Variants in CELSR1 observed in about 807,000 individuals in gnomAD.
CELSR1 encodes cadherin EGF LAG seven-pass G-type receptor 1, also known as adhesion G protein-coupled receptor C1.
Under a neutral mutation model 249.1 loss-of-function variants are expected in CELSR1, and 110 were observed. The ratio of observed to expected loss-of-function variants is 0.44; its 90% confidence interval spans 0.38 to 0.52. The LOEUF (loss-of-function observed/expected upper bound fraction) is 0.52, where lower values mean the gene tolerates loss of function less well. Among genes scored for constraint, CELSR1 ranks in the 20% least tolerant of loss-of-function variants. The pLI is 0.00. For missense variants in CELSR1, 4,109 were observed against 4,296.4 expected (o/e 0.96, Z 1.22); for synonymous variants, 2,113 against 1,900.0 (o/e 1.11, Z -2.92).
At chr22:46,373,524 G>C (rs2078880951) in intron 24 of CELSR1, among the ~76,000 whole-genome samples, 1 of 151,486 alleles carries the variant, frequency 6.6e-6, no homozygotes, top group South Asian at 2.1e-4. Context: ...TCTGGGAGGG[G>C]CAGCTTCGTG....
chr22:46,473,065 C>T lies in CELSR1; in HGVS notation c.3545-8720G>A, dbSNP rs969872987. ...GCAGAGTAGCGGAGAGACACGGGCACGGAGGCAGGGGGTGGGTGAACCTCC... is the reference window on the plus strand; with the variant it reads ...GCAGAGTAGCGGAGAGACACGGGCATGGAGGCAGGGGGTGGGTGAACCTCC... On this transcript the variant is annotated intron_variant, in intron 1 of 34. Transcript: ENST00000674500. This position sits in a 1 kb window ranked among gnomAD's most constrained non-coding sequence, Gnocchi z 6.6. Among the ~76,000 whole-genome samples the T allele has an allele frequency of 3.3e-5, 5 of 151,954 alleles. No homozygotes were observed. In the South Asian group the frequency reaches 6.2e-4, roughly 19 times the overall value.
chr22:46,438,835 T>C (rs966960306), intron 3 of CELSR1, among the ~76,000 whole-genome samples: 3 of 152,188 alleles, frequency 2.0e-5, no homozygotes, highest in Admixed American at 2.0e-4. Context: ...CTCAGCTCAC[T>C]GCAACCTCCA....
At position 46,510,559 on chromosome 22, in the gene CELSR1, C is replaced by T. The variant is rs367630456; in HGVS notation, c.3544+23068G>A. Among the ~76,000 whole-genome samples the T allele has an allele frequency of 3.0e-4, 45 of 152,312 alleles. No homozygotes were observed. In the East Asian group the frequency reaches 7.5e-3, roughly 25 times the overall value. On this transcript the variant is annotated intron_variant, in intron 1 of 34. Transcript: ENST00000674500. The stretch of plus-strand genomic sequence containing the variant: ...CCAACAGGAGAGGCGCTGCGGTAAA[C>T]GCTGGGGGGACGAGAGCCGCCTTCA...
In CELSR1 at chr22:46,411,684, C is replaced by G. The variant is rs372512718; in HGVS notation, c.4687G>C (p.Asp1563His). 7 of 1,614,096 alleles carry G rather than the reference C, an allele frequency of 4.3e-6. No homozygotes were observed. The highest frequency in any genetic ancestry group is 5.9e-6 in the Non-Finnish European group (7 of 1,180,048). Residue 1563 changes from aspartate (D) to histidine (H), a missense_variant, in exon 6 of 35, where the codon GAC (aspartate) becomes CAC (histidine). Coordinates refer to ENST00000674500, the MANE Select transcript of CELSR1 (RefSeq NM_001378328.1). This position sits in a 1 kb window ranked among gnomAD's most constrained non-coding sequence, Gnocchi z 4.2. ...CCAAAGCGCACAGCCATGGTTGTGTCACAATCATCCACTGTCACCACGGCC... is the reference window on the plus strand; with the variant it reads ...CCAAAGCGCACAGCCATGGTTGTGTGACAATCATCCACTGTCACCACGGCC... ...KMAVVTVDDC[D>H]TTMAVRFGKD... is the part of the protein sequence containing the mutation.
intron 4 of CELSR1, among the ~76,000 whole-genome samples, chr22:46,435,596 T>G (rs944362076): frequency 1.3e-5 from 2 of 152,200 alleles, no homozygotes; most frequent in African/African-American, 2.4e-5. Context: ...GTTGACATTT[T>G]TAATCTAGAG....
intron 24 of CELSR1, 103 bp downstream of exon 24, chr22:46,376,958 T>C: frequency 8.6e-7 from 1 of 1,156,530 alleles, no homozygotes. Context: ...GTGGGGGTGG[T>C]GAGGAGGAGC....
At position 46,535,540 on chromosome 22, in the gene CELSR1, A is replaced by C; in HGVS notation, c.1631T>G (p.Leu544Arg). Residue 544 changes from leucine to arginine, a missense_variant, in exon 1 of 35, where the codon CTC becomes CGC. Transcript: ENST00000674500. ...IKAQDGGRPPLINSSGVVSVQ... is the reference protein window; with the variant it reads ...IKAQDGGRPPRINSSGVVSVQ... Reference sequence around the variant, plus strand: ...AGACACCACCCCTGAAGAATTGATGAGCGGGGGCCGGCCCCCATCCTGGGC... The same window carrying C: ...AGACACCACCCCTGAAGAATTGATGCGCGGGGGCCGGCCCCCATCCTGGGC... 1 of 1,613,246 alleles carries C rather than the reference A, an allele frequency of 6.2e-7. No homozygotes were observed. The highest frequency in any genetic ancestry group is 8.5e-7 in the Non-Finnish European group (1 of 1,180,004).
rs539710738 is a variant in CELSR1, at chr22:46,490,345, G to A, written c.3545-26000C>T. 8.5e-5 allele frequency among the ~76,000 whole-genome samples: 13 copies of A among 152,110 alleles called. No individual in the cohort carries two copies. Among genetic ancestry groups the A allele is most frequent in the African/African-American group, 2.9e-4 (12 of 41,486 alleles). ...TCTGCCACCCAGGCTGGAGTACAGC[G>A]GCGCAATCTTGGCTCACTCCAACCT... is the stretch of plus-strand genomic sequence containing the variant. On this transcript the variant is annotated intron_variant, in intron 1 of 34. Transcript: ENST00000674500. This position sits in a 1 kb window ranked among gnomAD's most constrained non-coding sequence, Gnocchi z 5.2.
At chr22:46,519,381 C>T (rs772418604) in intron 1 of CELSR1, among the ~76,000 whole-genome samples, 8 of 152,248 alleles carry the variant, frequency 5.3e-5, no homozygotes, top group African/African-American at 1.7e-4. Flanking sequence ...CTTGAACCAG[C>T]GTGTGTACTG....
chr22:46,366,983 C>A lies in CELSR1; in HGVS notation c.8205+10G>T. ...GCCCCCAGTCCCGCGGTGTCCCCGG[C>A]GCCTCCTACCGTCAGCAGGGTGGCC... On this transcript the variant is annotated intron_variant, in intron 29 of 34. Transcript: ENST00000674500. The A allele has an allele frequency of 6.2e-7, 1 of 1,606,812 alleles. No individual in the cohort carries two copies.
At chr22:46,367,603 G>T in intron 28 of CELSR1, 126 bp downstream of exon 28, 1 of 1,329,368 alleles carries the variant, frequency 7.5e-7, no homozygotes, top group Non-Finnish European at 1.0e-6. Flanking sequence ...ACAGCCACAG[G>T]AGGCCCCCAC....
intron 23 of CELSR1, among the ~76,000 whole-genome samples, chr22:46,378,310 G>A (rs2078940336): frequency 6.6e-6 from 1 of 152,130 alleles, no homozygotes; most frequent in Non-Finnish European, 1.5e-5. Flanking sequence ...GCCATTCCGG[G>A]GTTTAATACA....
Position 46,436,127 on chromosome 22 carries a change from T to C in CELSR1, c.4522+47A>G. The C allele has an allele frequency of 6.7e-7, 1 of 1,498,598 alleles. No homozygotes were observed. The highest frequency in any genetic ancestry group is 1.1e-5 in the South Asian group (1 of 88,558). The allele number at this position is 1,498,598 out of a possible 1,614,324, so 92.8% of individuals were successfully genotyped here. ...GCGAGGGTCGTTTTAACCCACAAAG[T>C]ATCTGTGAATTGCTCAGAGCTGCCC... On this transcript the variant is annotated intron_variant, in intron 4 of 34. Coordinates refer to ENST00000674500, the MANE Select transcript of CELSR1 (RefSeq NM_001378328.1). This position sits in a 1 kb window ranked among gnomAD's most constrained non-coding sequence, Gnocchi z 5.9.
rs140815664 is a variant in CELSR1 at position 46,409,044 on chromosome 22, G to A, written c.5178C>T (p.Ser1726=). ...CACCACTGGTGGCCTCCATCAGAAC[G>A]CTGTCCTCCTTCCGGGTCCGGAACA... The part of the protein sequence containing the change: ...GLMFRTRKED[S]VLMEATSGGP... The change falls in exon 9 of 35, where the codon AGC becomes AGT. Residue 1726 remains serine (S), a synonymous_variant. Coordinates refer to ENST00000674500, the MANE Select transcript of CELSR1 (RefSeq NM_001378328.1). The surrounding 1 kb of genome is among the most constrained non-coding windows in gnomAD (Gnocchi z 9.8). 2.1e-5 allele frequency: 34 copies of A among 1,613,160 alleles called. No individual in the cohort carries two copies. Among genetic ancestry groups the A allele is most frequent in the Middle Eastern group, 3.3e-4 (2 of 6,002 alleles).
chr22:46,420,835 G>A (rs1486605574), intron 5 of CELSR1, among the ~76,000 whole-genome samples: 1 of 152,142 alleles, frequency 6.6e-6, no homozygotes, highest in Non-Finnish European at 1.5e-5. Flanking sequence ...GACATGCTCA[G>A]TATCTGTGTG....
rs1049950623 is a variant in CELSR1 at position 46,432,272 on chromosome 22, C to T, written c.4611+1121G>A. ...GTGAAAGCCAGTGGAGGCGACACTA[C>T]GACCTCAGGCCCAGTGGCTGGACCC... On this transcript the variant is annotated intron_variant, in intron 5 of 34. Transcript: ENST00000674500. Among the ~76,000 whole-genome samples the T allele has an allele frequency of 3.9e-5, 6 of 152,212 alleles. No homozygotes were observed. The South Asian group carries it at 8.3e-4, about 21-fold the overall frequency.
At chr22:46,389,915 GT>G (rs1231433883) in intron 17 of CELSR1, among the ~76,000 whole-genome samples, 2 of 152,056 alleles carry the variant, frequency 1.3e-5, no homozygotes, top group African/African-American at 4.8e-5. Flanking sequence ...CCGTGCCACT[GT>G]CCTCTAGCTT....
At chr22:46,476,039 A>C (rs999410094) in intron 1 of CELSR1, among the ~76,000 whole-genome samples, 2 of 152,174 alleles carry the variant, frequency 1.3e-5, no homozygotes, top group Non-Finnish European at 2.9e-5. Context: ...GAGCAAGTGC[A>C]TTCTTGTCAG....
chr22:46,494,334 T>G lies in CELSR1; in HGVS notation c.3545-29989A>C, dbSNP rs546147836. 1.1e-4 allele frequency among the ~76,000 whole-genome samples: 16 copies of G among 152,300 alleles called. No homozygotes were observed. The East Asian group carries it at 2.9e-3, about 28-fold the overall frequency. On this transcript the variant is annotated intron_variant, in intron 1 of 34. Transcript: ENST00000674500. The stretch of plus-strand genomic sequence containing the variant: ...AGCCAATTTTATTTACAGATAAATT[T>G]TAGAATCAGATTGTCAATTTTTTTC...
Sources: gnomAD v4.1 joint callset for allele counts (sites outside exome capture counted in the v4.1 genomes callset) on GRCh38, gnomAD v4.1.1 for gene constraint, Gnocchi (gnomAD v3.1) non-coding constraint, MANE v1.5 for transcripts, NCBI Gene and HGNC (gene_info 2026-07-23, HGNC 2026-07-21) for gene names.